The following FAM162B variants were observed in gnomAD, a reference collection of about 807,000 sequenced individuals.
FAM162B encodes the protein protein FAM162B.
FAM162B carries 16 observed loss-of-function variants against 20.0 expected under a neutral mutation model. That is an observed-to-expected ratio of 0.80 (90% CI 0.54 to 1.21). The LOEUF (loss-of-function observed/expected upper bound fraction) is 1.21. FAM162B is among the 50% of genes most tolerant of loss of function. FAM162B has a pLI of 0.00. For missense variants in FAM162B, 260 were observed against 227.5 expected, an observed-to-expected ratio of 1.14 and a Z score of -0.92; for synonymous variants, 83 against 89.7, an observed-to-expected ratio of 0.93 and a Z score of 0.42.
intron 3 of FAM162B, among the ~76,000 whole-genome samples, chr6:116,759,076 CAT>C (rs1163912673): frequency 6.6e-6 from 1 of 152,064 alleles, no homozygotes; most frequent in Non-Finnish European, 1.5e-5. Flanking sequence ...TTATTGCAAT[CAT>C]GTCAACTTTA....
At position 116,762,010 on chromosome 6, in the gene FAM162B, G is replaced by A. The variant is rs1201006095; in HGVS notation, c.357C>T (p.Ile119=). 10 of 1,602,510 alleles carry A rather than the reference G, an allele frequency of 6.2e-6. No homozygotes were observed. In the Admixed American group the frequency reaches 8.4e-5, roughly 13 times the overall value. ...CTGACACTATCACAGCAAAGCAGGC[G>A]ATAATTGTGAGTCCAATCATTATGT... The part of the protein sequence containing the change: ...ACYIMIGLTI[I]ACFAVIVSAK... Residue 119 remains isoleucine, a synonymous_variant, in exon 3 of 4, where the codon ATC becomes ATT. Transcript: ENST00000368557.
At chr6:116,754,223 T>C (rs896358659) in intron 3 of FAM162B, among the ~76,000 whole-genome samples, 1 of 152,174 alleles carries the variant, frequency 6.6e-6, no homozygotes, top group Non-Finnish European at 1.5e-5. Flanking sequence ...AATTCCTTTA[T>C]AATCCAGATA....
chr6:116,759,036 C>T (rs921825108), intron 3 of FAM162B, among the ~76,000 whole-genome samples: 2 of 152,016 alleles, frequency 1.3e-5, no homozygotes, highest in Non-Finnish European at 2.9e-5. Flanking sequence ...CTTAGTTTGT[C>T]TACTTCCAAA....
At position 116,752,245 on chromosome 6, in the gene FAM162B, CA is replaced by C. The variant is rs1346752332; in HGVS notation, c.*351del. 1 of 153,060 alleles carries C rather than the reference CA, an allele frequency of 6.5e-6. No homozygotes were observed. The highest frequency in any genetic ancestry group is 1.5e-5 in the Non-Finnish European group (1 of 68,718). 9.5% of individuals were successfully genotyped at this position (153,060 alleles called of 1,614,324 possible). On this transcript the variant is annotated 3_prime_UTR_variant, in exon 4 of 4. Transcript: ENST00000368557. ...AAGTTCAAAAACAGGCAAAATGAAT[CA>C]AAGGTGATGAAACTCAGAAAAACTG...
In FAM162B at chr6:116,765,239, G is replaced by C. The variant is rs1771886929; in HGVS notation, c.189C>G (p.Val63=). The C allele has an allele frequency of 1.2e-6, 2 of 1,613,640 alleles. No homozygotes were observed. Among genetic ancestry groups the C allele is most frequent in the African/African-American group, 2.7e-5 (2 of 74,912 alleles). ...GPQGHGEIHR[V]PTQRRPSQFD... is the part of the protein sequence containing the mutation. ...ACTGCGAAGGCCTGCGCTGCGTGGG[G>C]ACTCGGTGAATCTCCCCTGCAGCGA... Residue 63 remains valine, a synonymous_variant, in exon 2 of 4, where the codon GTC becomes GTG. Transcript: ENST00000368557.
At chr6:116,763,862 G>C (rs1771854307) in intron 2 of FAM162B, among the ~76,000 whole-genome samples, 1 of 151,012 alleles carries the variant, frequency 6.6e-6, no homozygotes, top group Non-Finnish European at 1.5e-5. Flanking sequence ...AGCTTATGAT[G>C]ATAAAGACTT....
intron 3 of FAM162B, among the ~76,000 whole-genome samples, chr6:116,754,697 CT>C (rs869071727): frequency 7.2e-6 from 1 of 139,100 alleles, no homozygotes; most frequent in African/African-American, 2.8e-5. Flanking sequence ...TCTTCTTCTT[CT>C]TTTTTTGTTT....
intron 2 of FAM162B, among the ~76,000 whole-genome samples, chr6:116,762,795 A>C (rs562608246): frequency 1.1e-4 from 17 of 152,280 alleles, no homozygotes; most frequent in South Asian, 2.1e-4. Flanking sequence ...GATTTTAATA[A>C]TACTACTTAC....
At chr6:116,764,584 C>T (rs1771867646) in intron 2 of FAM162B, among the ~76,000 whole-genome samples, 1 of 152,108 alleles carries the variant, frequency 6.6e-6, no homozygotes, top group Admixed American at 6.5e-5. Context: ...TCCCGCGCGT[C>T]CCACCCTGAG....
At chr6:116,760,495 T>C (rs901638838) in intron 3 of FAM162B, among the ~76,000 whole-genome samples, 1 of 152,176 alleles carries the variant, frequency 6.6e-6, no homozygotes, top group African/African-American at 2.4e-5. Flanking sequence ...TTTAAAAACA[T>C]TAAAGTGCCA....
intron 2 of FAM162B, 37 bp from the exon 3 acceptor site, chr6:116,762,122 G>A: frequency 6.8e-7 from 1 of 1,469,984 alleles, no homozygotes; most frequent in South Asian, 1.4e-5. Flanking sequence ...ATATGTAAAA[G>A]TAATATGGTT....
At chr6:116,763,495 T>C (rs1237375733) in intron 2 of FAM162B, among the ~76,000 whole-genome samples, 1 of 152,190 alleles carries the variant, frequency 6.6e-6, no homozygotes, top group Non-Finnish European at 1.5e-5. Flanking sequence ...CAAATACTTT[T>C]ATGTTTCCAA....
chr6:116,765,342 C>A, intron 1 of FAM162B, 63 bp downstream of exon 1: 1 of 1,529,310 alleles, frequency 6.5e-7, no homozygotes, highest in South Asian at 1.3e-5. Flanking sequence ...CCCGGGCCGG[C>A]CCCTCGCTGC....
chr6:116,759,276 A>T (rs1385907553), intron 3 of FAM162B, among the ~76,000 whole-genome samples: 1 of 144,274 alleles, frequency 6.9e-6, no homozygotes, highest in African/African-American at 2.5e-5. Flanking sequence ...TTTAAGTAGG[A>T]TCCTTATTTC....
At chr6:116,763,941 T>C (rs1771855669) in intron 2 of FAM162B, among the ~76,000 whole-genome samples, 1 of 152,182 alleles carries the variant, frequency 6.6e-6, no homozygotes, top group African/African-American at 2.4e-5. Context: ...GGAAAAATAA[T>C]CTTAGAAAGT....
intron 3 of FAM162B, among the ~76,000 whole-genome samples, chr6:116,756,810 A>C (rs1780057504): frequency 6.6e-6 from 1 of 152,226 alleles, no homozygotes; most frequent in Admixed American, 6.5e-5. Flanking sequence ...TACTATAAAC[A>C]TAACTTTTAT....
intron 3 of FAM162B, among the ~76,000 whole-genome samples, chr6:116,759,027 TTA>T (rs1485509999): frequency 4.6e-5 from 7 of 152,276 alleles, no homozygotes; most frequent in African/African-American, 1.2e-4. Context: ...AATTTTAGAC[TTA>T]GTTTGTCTAC....
At chr6:116,757,096 T>C (rs895058745) in intron 3 of FAM162B, among the ~76,000 whole-genome samples, 1 of 152,224 alleles carries the variant, frequency 6.6e-6, no homozygotes, top group Non-Finnish European at 1.5e-5. Flanking sequence ...AACTACTATA[T>C]CTTCCAATTA....
At chr6:116,753,920 G>C (rs183460002) in intron 3 of FAM162B, among the ~76,000 whole-genome samples, 1 of 152,290 alleles carries the variant, frequency 6.6e-6, no homozygotes, top group East Asian at 1.9e-4. Context: ...TGGTACCACG[G>C]AAACCAAGCG....
Sources: allele counts gnomAD v4.1 joint callset (sites outside exome capture counted in the v4.1 genomes callset), GRCh38; gene constraint gnomAD v4.1.1; transcripts MANE v1.5; gene names NCBI Gene and HGNC (gene_info 2026-07-23, HGNC 2026-07-21).